The following USP15 variants were observed in gnomAD, a reference collection of about 807,000 sequenced individuals.
USP15 encodes the protein ubiquitin specific peptidase 15.
USP15 carries 18 observed loss-of-function variants against 127.1 expected under a neutral mutation model. That is an observed-to-expected ratio of 0.14 (90% CI 0.10 to 0.21). The LOEUF (loss-of-function observed/expected upper bound fraction) is 0.21. USP15 is among the 10% of genes least tolerant of loss of function. The pLI is 1.00. For synonymous variants in USP15, 364 were observed against 393.7 expected, an observed-to-expected ratio of 0.92 and a Z score of 0.89; for missense variants, 805 against 1,159.9, an observed-to-expected ratio of 0.69 and a Z score of 4.44.
rs2067883052 is a variant in USP15 at position 62,406,868 on chromosome 12, G to A, written c.*2493G>A. 6.6e-6 allele frequency: 1 copy of A among 152,006 alleles called. No homozygotes were observed. Among genetic ancestry groups the A allele is most frequent in the South Asian group, 2.1e-4 (1 of 4,816 alleles). 9.4% of individuals were successfully genotyped at this position (152,006 alleles called of 1,614,324 possible). On this transcript the variant is annotated 3_prime_UTR_variant, in exon 22 of 22. Transcript: ENST00000280377. Reference sequence around the variant, plus strand: ...TGTTCCCAGCTACTGGGGAGGCTGAGGTGAGAGAATTGCTTGAGCCCAGGC... The same window carrying A: ...TGTTCCCAGCTACTGGGGAGGCTGAAGTGAGAGAATTGCTTGAGCCCAGGC...
chr12:62,366,583 A>C (rs1482751281), intron 8 of USP15, among the ~76,000 whole-genome samples: 1 of 152,110 alleles, frequency 6.6e-6, no homozygotes, highest in East Asian at 1.9e-4. Context: ...ACTTCCAATA[A>C]TATGTTGAAT....
At chr12:62,290,316 T>C (rs2063924143) in intron 1 of USP15, among the ~76,000 whole-genome samples, 3 of 152,180 alleles carry the variant, frequency 2.0e-5, no homozygotes, top group African/African-American at 4.8e-5. Context: ...TGGGTACATA[T>C]ATATTTAGGA....
intron 1 of USP15, among the ~76,000 whole-genome samples, chr12:62,265,393 A>G (rs2063168339): frequency 6.6e-6 from 1 of 152,162 alleles, no homozygotes; most frequent in African/African-American, 2.4e-5. Flanking sequence ...TATTACCACA[A>G]TTCTGGGAAT....
At position 62,383,959 on chromosome 12, in the gene USP15, A is replaced by G. The variant is rs774482639; in HGVS notation, c.1209A>G (p.Pro403=). The part of the protein sequence containing the change: ...HEDLNRIRKK[P]YIQLKDADGR... Reference sequence around the variant, plus strand: ...ATTTGAATAGAATTAGGAAAAAACCATATATACAATTAAAAGATGCAGATG... The same window carrying G: ...ATTTGAATAGAATTAGGAAAAAACCGTATATACAATTAAAAGATGCAGATG... The change falls in exon 10 of 22, where the codon CCA becomes CCG. Residue 403 remains proline (P), a synonymous_variant. Coordinates refer to ENST00000280377, the MANE Select transcript of USP15 (RefSeq NM_001252078.2). 1.1e-5 allele frequency: 17 copies of G among 1,612,642 alleles called. No individual in the cohort carries two copies. The highest frequency in any genetic ancestry group is 3.3e-5 in the Admixed American group (2 of 59,876).
At chr12:62,272,637 T>C (rs897648634) in intron 1 of USP15, among the ~76,000 whole-genome samples, 2 of 152,004 alleles carry the variant, frequency 1.3e-5, no homozygotes, top group African/African-American at 2.4e-5. Flanking sequence ...TGATATTCTC[T>C]TTCTCCCTGC....
intron 4 of USP15, among the ~76,000 whole-genome samples, chr12:62,315,607 A>G (rs911332199): frequency 6.6e-6 from 1 of 152,196 alleles, no homozygotes; most frequent in Non-Finnish European, 1.5e-5. Flanking sequence ...AACAAGATTA[A>G]TGGTAATACC....
chr12:62,300,351 C>A (rs1487620910), intron 2 of USP15, among the ~76,000 whole-genome samples: 1 of 152,096 alleles, frequency 6.6e-6, no homozygotes. Context: ...GTTCTAACTT[C>A]ATCCTTTTGC....
intron 8 of USP15, among the ~76,000 whole-genome samples, chr12:62,359,382 A>G (rs192549291): frequency 9.2e-5 from 14 of 152,294 alleles, no homozygotes; most frequent in Admixed American, 9.2e-4. Context: ...TAATTCCACA[A>G]TTCATTTTTC....
chr12:62,391,820 A>T lies in USP15; in HGVS notation c.2238A>T (p.Arg746Ser), dbSNP rs756379501. The T allele has an allele frequency of 2.4e-5, 39 of 1,605,862 alleles. No individual in the cohort carries two copies. The highest frequency in any genetic ancestry group is 3.0e-5 in the Non-Finnish European group (35 of 1,175,854). Reference protein sequence around the residue: ...FDDRQLRLDERSFLALDWDPD... With the variant: ...FDDRQLRLDESSFLALDWDPD... Reference sequence around the variant, plus strand: ...AAAATATGTTTTCCACCTTAGAAAGATCTTTTCTTGCTTTGGATTGGGATC... The same window carrying T: ...AAAATATGTTTTCCACCTTAGAAAGTTCTTTTCTTGCTTTGGATTGGGATC... The change falls in exon 17 of 22, where the codon AGA becomes AGT. Residue 746 changes from arginine (R) to serine (S), a missense_variant. Physicochemically the swap from Arg to Ser is moderately radical, Grantham distance 110. This residue lies in a region of USP15 where 225 missense variants were observed against 239.5 expected (regional missense o/e 0.94). Coordinates refer to ENST00000280377, the MANE Select transcript of USP15 (RefSeq NM_001252078.2).
intron 8 of USP15, among the ~76,000 whole-genome samples, chr12:62,358,440 CATGGTGACTCATG>C (rs2066207003): frequency 6.6e-6 from 1 of 152,076 alleles, no homozygotes; most frequent in South Asian, 2.1e-4. Flanking sequence ...TTTGTCCAGG[CATGGTGACTCATG>C]CCTGTAATCC....
rs1170618255 is a variant in USP15, at chr12:62,408,538, T to C, written c.*4163T>C. Reference sequence around the variant, plus strand: ...GAGTAGAAGTTTTTGCTCATTTTTTTTGTTTGTTTTTACTTTACAAAAAAA... The same window carrying C: ...GAGTAGAAGTTTTTGCTCATTTTTTCTGTTTGTTTTTACTTTACAAAAAAA... On this transcript the variant is annotated 3_prime_UTR_variant, in exon 22 of 22. Transcript: ENST00000280377. 3 of 152,128 alleles carry C rather than the reference T, an allele frequency of 2.0e-5. No individual in the cohort carries two copies. Among genetic ancestry groups the C allele is most frequent in the Non-Finnish European group, 4.4e-5 (3 of 68,002 alleles). The allele number at this position is 152,128 out of a possible 1,614,324, so 9.4% of individuals were successfully genotyped here. A position where few individuals can be genotyped will look rare whatever the true frequency, so the allele number is the denominator to read the frequency against.
intron 1 of USP15, among the ~76,000 whole-genome samples, chr12:62,284,333 A>C (rs142642897): frequency 6.6e-6 from 1 of 152,344 alleles, no homozygotes; most frequent in African/African-American, 2.4e-5. Flanking sequence ...GGATTTTCTT[A>C]AGACTTAGTC....
In USP15 at chr12:62,383,592, AAAC is replaced by A. The variant is rs1292556016; in HGVS notation, c.1090-242_1090-240del. ...ACACTTGTTTATAGATTCAGAGCTG[AAAC>A]AACAAGCCAAAGCATCACCTTGTTC... On this transcript the variant is annotated intron_variant, in intron 9 of 21. Transcript: ENST00000280377. Among the ~76,000 whole-genome samples, 7 of 152,088 alleles carry A rather than the reference AAAC, an allele frequency of 4.6e-5. No homozygotes were observed. The South Asian group carries it at 8.3e-4, about 18-fold the overall frequency.
At chr12:62,402,080 C>T (rs189359121) in intron 21 of USP15, among the ~76,000 whole-genome samples, 132 of 151,716 alleles carry the variant, frequency 8.7e-4, no homozygotes, top group African/African-American at 2.5e-3. Flanking sequence ...CAATTCTGTT[C>T]TCCTCAAATT....
chr12:62,358,131 C>T (rs2066195451), intron 8 of USP15, among the ~76,000 whole-genome samples: 3 of 151,436 alleles, frequency 2.0e-5, no homozygotes, highest in South Asian at 2.1e-4. Flanking sequence ...CATTTCAGCA[C>T]ATCAGGTGGT....
At chr12:62,309,167 T>A (rs939862692) in intron 3 of USP15, among the ~76,000 whole-genome samples, 2 of 145,706 alleles carry the variant, frequency 1.4e-5, no homozygotes, top group African/African-American at 5.2e-5. Context: ...ACCAGTAAAG[T>A]AAAGATGAGT....
chr12:62,319,817 A>G (rs1776477980), intron 4 of USP15, among the ~76,000 whole-genome samples: 1 of 152,208 alleles, frequency 6.6e-6, no homozygotes, highest in South Asian at 2.1e-4. Context: ...ATCTAGGTAG[A>G]CATTTTATTT....
rs142161840 is a variant in USP15, at chr12:62,307,355, A to G, written c.348+4435A>G. 5.7e-3 allele frequency among the ~76,000 whole-genome samples: 868 copies of G among 152,320 alleles called. 7 individuals carry two copies. Among genetic ancestry groups the G allele is most frequent in the Non-Finnish European group, 9.4e-3 (639 of 68,024 alleles). ...GCAAGGGTAGAACTGAGTTCCAGTC[A>G]AGGAATTTCTAGTATTTGTCCAGGT... On this transcript the variant is annotated intron_variant, in intron 3 of 21. Coordinates refer to ENST00000280377, the MANE Select transcript of USP15 (RefSeq NM_001252078.2).
chr12:62,362,164 A>G (rs2066338015), intron 8 of USP15, among the ~76,000 whole-genome samples: 1 of 152,158 alleles, frequency 6.6e-6, no homozygotes, highest in African/African-American at 2.4e-5. Context: ...GTTGTTATTC[A>G]GTACATTTTG....
Sources: allele counts gnomAD v4.1 joint callset (sites outside exome capture counted in the v4.1 genomes callset), GRCh38; gene constraint gnomAD v4.1.1; regional missense constraint gnomAD v4.1.1; transcripts MANE v1.5; gene names NCBI Gene and HGNC (gene_info 2026-07-23, HGNC 2026-07-21).